Variants in CRK observed in about 807,000 individuals in gnomAD.
The protein encoded by CRK is adapter molecule crk.
A neutral mutation model predicts 29.8 loss-of-function variants in CRK; 4 were observed. The observed-to-expected ratio is 0.13, with a 90% CI of 0.07 to 0.31. CRK has a LOEUF of 0.31. Among genes scored for constraint, CRK ranks in the 10% least tolerant of loss-of-function variants. The probability of loss-of-function intolerance (pLI) is 1.00; values close to 1 mark genes in which losing one functional copy is unlikely to be tolerated. For synonymous variants in CRK, 153 were observed against 164.9 expected (o/e 0.93, Z 0.55); for missense variants, 274 against 396.5 (o/e 0.69, Z 2.62).
Position 1,452,662 on chromosome 17 carries a change from C to T in CRK, c.241+3215G>A, listed in dbSNP as rs562591198. ...AAAATTAGCTGAGCATGGTGGTGGG[C>T]GCCTGTAATTCCAGCTACTCAGGAG... On this transcript the variant is annotated intron_variant, in intron 1 of 2. Transcript: ENST00000300574. Among the ~76,000 whole-genome samples the T allele has an allele frequency of 5.9e-5, 9 of 151,956 alleles. No individual in the cohort carries two copies. In the South Asian group the frequency reaches 1.5e-3, roughly 25 times the overall value.
Position 1,423,617 on chromosome 17 carries a change from C to T in CRK, c.811G>A (p.Val271Met). 2 of 1,614,188 alleles carry T rather than the reference C, an allele frequency of 1.2e-6. No homozygotes were observed. The highest frequency in any genetic ancestry group is 2.2e-5 in the South Asian group (2 of 91,084). ...GELVKVTKIN[V>M]SGQWEGECNG... ...CACTCCCCTTCCCACTGACCACTCA[C>T]ATTAATCTTCGTAACCTTTACCAGC... Residue 271 changes from valine (V) to methionine (M), a missense_variant, in exon 3 of 3, where the codon GTG becomes ATG. This residue lies in a region of CRK where 121 missense variants were observed against 154.3 expected (regional missense o/e 0.78). Transcript: ENST00000300574.
chr17:1,434,370 T>C (rs1440836216), intron 2 of CRK, among the ~76,000 whole-genome samples: 1 of 152,168 alleles, frequency 6.6e-6, no homozygotes, highest in African/African-American at 2.4e-5. Context: ...CTTACCCTGG[T>C]TCTGGTGTGA....
intron 2 of CRK, among the ~76,000 whole-genome samples, chr17:1,430,803 C>T (rs1455175238): frequency 6.6e-6 from 1 of 151,870 alleles, no homozygotes; most frequent in Non-Finnish European, 1.5e-5. Context: ...CGCTGTGGCT[C>T]ATGCCTGTAA....
rs897801087 is a variant in CRK, at chr17:1,444,735, A to T, written c.242-7580T>A. ...GTAATCCCAGCTACTTGGGAGGCTG[A>T]GGCAGGAGAATCGCTGGAACCCGGG... On this transcript the variant is annotated intron_variant, in intron 1 of 2. Coordinates refer to ENST00000300574, the MANE Select transcript of CRK (RefSeq NM_016823.4). Among the ~76,000 whole-genome samples, 19 of 151,512 alleles carry T rather than the reference A, an allele frequency of 1.3e-4. 1 individual carries two copies. Among genetic ancestry groups the T allele is most frequent in the African/African-American group, 3.9e-4 (16 of 41,304 alleles).
rs1555654446 is a variant in CRK at position 1,444,598 on chromosome 17, G to GGGC, written c.242-7444_242-7443insGCC. On this transcript the variant is annotated intron_variant, in intron 1 of 2. Coordinates refer to ENST00000300574, the MANE Select transcript of CRK (RefSeq NM_016823.4). ...CCAGCACTTTGGGAAGCCGAAGCGG[G>GGGC]GGGGGGGATCACCTGAGATCGGGAG... Among the ~76,000 whole-genome samples, 6 of 144,762 alleles carry GGGC rather than the reference G, an allele frequency of 4.1e-5. 1 individual carries two copies. The highest frequency in any genetic ancestry group is 1.4e-4 in the Admixed American group (2 of 14,766). 95.0% of individuals were successfully genotyped at this position (144,762 alleles called of 152,430 possible). A position where few individuals can be genotyped will look rare whatever the true frequency, so the allele number is the denominator to read the frequency against.
At position 1,444,595 on chromosome 17, in the gene CRK, C is replaced by CGGGGG. The variant is rs35779178; in HGVS notation, c.242-7445_242-7441dup. ...ATCCCAGCACTTTGGGAAGCCGAAG[C>CGGGGG]GGGGGGGGGGATCACCTGAGATCGG... On this transcript the variant is annotated intron_variant, in intron 1 of 2. Transcript: ENST00000300574. Among the ~76,000 whole-genome samples the CGGGGG allele has an allele frequency of 3.5e-4, 36 of 103,878 alleles. No homozygotes were observed. In the South Asian group the frequency reaches 5.2e-3, roughly 15 times the overall value. 68.1% of individuals were successfully genotyped at this position (103,878 alleles called of 152,430 possible). A position where few individuals can be genotyped will look rare whatever the true frequency, so the allele number is the denominator to read the frequency against.
At chr17:1,452,148 C>T (rs2074023055) in intron 1 of CRK, among the ~76,000 whole-genome samples, 1 of 152,110 alleles carries the variant, frequency 6.6e-6, no homozygotes, top group Non-Finnish European at 1.5e-5. Context: ...GTCAGAATGC[C>T]TAGGTTCAAC....
chr17:1,443,242 A>C (rs543664766), intron 1 of CRK, among the ~76,000 whole-genome samples: 1 of 152,126 alleles, frequency 6.6e-6, no homozygotes, highest in African/African-American at 2.4e-5. Context: ...TCAGCCTCTC[A>C]AAGTGTTGGG....
intron 2 of CRK, among the ~76,000 whole-genome samples, chr17:1,433,508 G>GATTTTT (rs1568012299): frequency 3.5e-5 from 4 of 114,366 alleles, no homozygotes; most frequent in African/African-American, 1.1e-4. Context: ...ACCACGCCTG[G>GATTTTT]CTTTTTTTTT....
At chr17:1,425,298 T>C (rs759295513) in intron 2 of CRK, among the ~76,000 whole-genome samples, 47 of 151,974 alleles carry the variant, frequency 3.1e-4, no homozygotes, top group Non-Finnish European at 5.4e-4. Flanking sequence ...TTCACCATGT[T>C]AGCCAAGATG....
chr17:1,452,111 G>T (rs1383431176), intron 1 of CRK, among the ~76,000 whole-genome samples: 1 of 152,212 alleles, frequency 6.6e-6, no homozygotes, highest in Non-Finnish European at 1.5e-5. Context: ...GGCTTTGAGA[G>T]TGTAGTGTAA....
At chr17:1,430,045 A>ATT (rs34475007) in intron 2 of CRK, among the ~76,000 whole-genome samples, 2,466 of 133,468 alleles carry the variant, frequency 0.018, 69 homozygotes, top group African/African-American at 0.06. Flanking sequence ...AACTCAAATG[A>ATT]TTTTTTTTTT....
In CRK at chr17:1,423,200, G is replaced by A. The variant is rs112872338; in HGVS notation, c.*313C>T. On this transcript the variant is annotated 3_prime_UTR_variant, in exon 3 of 3. Coordinates refer to ENST00000300574, the MANE Select transcript of CRK (RefSeq NM_016823.4). ...GTGTAACACTCCTTCCTGTCCATCG[G>A]TTTTCCACAGGGTGATTTGCACTGC... The A allele has an allele frequency of 1.1e-3, 552 of 495,048 alleles. 3 individuals are homozygous for A. The highest frequency in any genetic ancestry group is 9.6e-3 in the African/African-American group (485 of 50,682). The allele number at this position is 495,048 out of a possible 1,614,324, so 30.7% of individuals were successfully genotyped here.
At chr17:1,455,735 G>T in intron 1 of CRK, 142 bp downstream of exon 1, 2 of 1,234,194 alleles carry the variant, frequency 1.6e-6, no homozygotes, top group African/African-American at 1.6e-5. Context: ...GAGCGAGCCC[G>T]AGCAGCCGGC....
intron 1 of CRK, among the ~76,000 whole-genome samples, chr17:1,450,119 T>A (rs1185904183): frequency 6.6e-6 from 1 of 152,120 alleles, no homozygotes; most frequent in South Asian, 2.1e-4. Flanking sequence ...GGCAGGAGAA[T>A]GGCTTGACCC....
In CRK at chr17:1,448,279, C is replaced by T. The variant is rs891426893; in HGVS notation, c.241+7598G>A. Among the ~76,000 whole-genome samples the T allele has an allele frequency of 7.2e-5, 11 of 152,024 alleles. No individual in the cohort carries two copies. In the South Asian group the frequency reaches 1.0e-3, roughly 14 times the overall value. ...AGTTACCTAACTTCTGTGTGCCTCA[C>T]CCCCGACTCTGCAAAATGGGGTCAA... On this transcript the variant is annotated intron_variant, in intron 1 of 2. Transcript: ENST00000300574.
chr17:1,424,067 GT>G (rs58338503), intron 2 of CRK, among the ~76,000 whole-genome samples: 2,184 of 109,748 alleles, frequency 0.02, 22 homozygotes, highest in African/African-American at 0.072. Flanking sequence ...AGCTTTCTCC[GT>G]TTTTTTTTTT....
chr17:1,441,025 T>A (rs2073931388), intron 1 of CRK, among the ~76,000 whole-genome samples: 1 of 152,034 alleles, frequency 6.6e-6, no homozygotes, highest in African/African-American at 2.4e-5. Flanking sequence ...AACCTCTACC[T>A]CCCAGGCTGA....
chr17:1,452,974 T>A lies in CRK; in HGVS notation c.241+2903A>T, dbSNP rs1367572843. 3.3e-5 allele frequency among the ~76,000 whole-genome samples: 5 copies of A among 151,832 alleles called. No individual in the cohort carries two copies. The East Asian group carries it at 9.7e-4, about 29-fold the overall frequency. On this transcript the variant is annotated intron_variant, in intron 1 of 2. Coordinates refer to ENST00000300574, the MANE Select transcript of CRK (RefSeq NM_016823.4). Reference sequence around the variant, plus strand: ...ATTTTCAACAGTTAACCAGGCATGGTGGATACGCCTGGAGTCCCAGCTACT... The same window carrying A: ...ATTTTCAACAGTTAACCAGGCATGGAGGATACGCCTGGAGTCCCAGCTACT...
Sources: allele counts gnomAD v4.1 joint callset (sites outside exome capture counted in the v4.1 genomes callset), GRCh38; gene constraint gnomAD v4.1.1; regional missense constraint gnomAD v4.1.1; transcripts MANE v1.5; gene names NCBI Gene and HGNC (gene_info 2026-07-23, HGNC 2026-07-21).